Variants in ENOX1 observed in about 807,000 individuals in gnomAD.
ENOX1 encodes ecto-NOX disulfide-thiol exchanger 1, also known as candidate growth-related and time keeping constitutive hydroquinone (NADH) oxidase.
In ENOX1, 42 loss-of-function variants were observed where a neutral mutation model predicts 82.5. That is an observed-to-expected ratio of 0.51 (90% CI 0.40 to 0.66). The LOEUF is 0.66. ENOX1 is among the 30% of genes least tolerant of loss of function. ENOX1 has a pLI of 0.00. For missense variants in ENOX1, 608 were observed against 811.6 expected, an observed-to-expected ratio of 0.75 and a Z score of 3.05; for synonymous variants, 271 against 282.2, an observed-to-expected ratio of 0.96 and a Z score of 0.40.
intron 3 of ENOX1, among the ~76,000 whole-genome samples, chr13:43,430,665 G>A (rs960512102): frequency 2.6e-5 from 4 of 152,142 alleles, no homozygotes; most frequent in Non-Finnish European, 4.4e-5. Context: ...CTTTGTAGGC[G>A]CTCTTACAGT....
intron 3 of ENOX1, among the ~76,000 whole-genome samples, chr13:43,419,031 A>G (rs2054811044): frequency 1.3e-5 from 2 of 152,102 alleles, no homozygotes; most frequent in African/African-American, 4.8e-5. Context: ...TACAAAACTT[A>G]GCTGGGTATG....
At chr13:43,624,334 A>G (rs904252824) in intron 2 of ENOX1, among the ~76,000 whole-genome samples, 5 of 152,050 alleles carry the variant, frequency 3.3e-5, no homozygotes, top group African/African-American at 1.2e-4. Context: ...CCTTTCTCAG[A>G]TATCTGCTTT....
intron 14 of ENOX1, among the ~76,000 whole-genome samples, chr13:43,241,973 CCTT>C (rs1343186929): frequency 3.9e-5 from 6 of 152,202 alleles, no homozygotes; most frequent in Admixed American, 3.3e-4. Context: ...CTTATAAAAT[CCTT>C]CTGCTACTGC....
intron 3 of ENOX1, among the ~76,000 whole-genome samples, chr13:43,417,087 C>T (rs546280377): frequency 1.3e-5 from 2 of 152,296 alleles, no homozygotes; most frequent in South Asian, 4.2e-4. Flanking sequence ...CGTGCGCCTG[C>T]AATCCCAGGC....
chr13:43,324,338 G>A (rs999587505), intron 10 of ENOX1, among the ~76,000 whole-genome samples: 3 of 152,122 alleles, frequency 2.0e-5, no homozygotes, highest in Admixed American at 1.3e-4. Context: ...GGGAAAGGGT[G>A]GTGGAAAAGA....
intron 13 of ENOX1, 100 bp downstream of exon 13, chr13:43,269,370 A>G: frequency 2.2e-6 from 2 of 890,750 alleles, no homozygotes; most frequent in Admixed American, 1.8e-5. Flanking sequence ...ATTGTACTGC[A>G]GATTACTTTC....
intron 2 of ENOX1, among the ~76,000 whole-genome samples, chr13:43,600,151 A>G (rs988633196): frequency 6.6e-5 from 10 of 152,132 alleles, no homozygotes; most frequent in Non-Finnish European, 1.5e-4. Context: ...GAAAGGGAAG[A>G]GTAAAGGAGA....
intron 2 of ENOX1, among the ~76,000 whole-genome samples, chr13:43,613,429 G>C (rs896214991): frequency 3.3e-5 from 5 of 152,072 alleles, no homozygotes; most frequent in African/African-American, 9.7e-5. Context: ...CTTTAAATGA[G>C]TGAATTTTAT....
intron 14 of ENOX1, among the ~76,000 whole-genome samples, chr13:43,257,752 AT>A (rs2043832281): frequency 6.6e-6 from 1 of 152,214 alleles, no homozygotes; most frequent in African/African-American, 2.4e-5. Context: ...ATTCAAAACA[AT>A]TGCTTTTGCA....
intron 2 of ENOX1, among the ~76,000 whole-genome samples, chr13:43,622,604 A>G (rs964850279): frequency 2.0e-5 from 3 of 152,166 alleles, no homozygotes; most frequent in Admixed American, 6.6e-5. Context: ...TGAACCATCT[A>G]TGGGTCTCTC....
At chr13:43,637,316 C>A (rs544533987) in intron 2 of ENOX1, among the ~76,000 whole-genome samples, 2 of 152,294 alleles carry the variant, frequency 1.3e-5, no homozygotes, top group East Asian at 3.9e-4. Context: ...TCTATTAAGA[C>A]TTTACAAAGT....
At chr13:43,661,794 T>C (rs1477598650) in intron 2 of ENOX1, among the ~76,000 whole-genome samples, 1 of 152,194 alleles carries the variant, frequency 6.6e-6, no homozygotes, top group African/African-American at 2.4e-5. Flanking sequence ...TAAAAGGACT[T>C]ACAGTGAAGT....
chr13:43,696,893 G>T (rs1195638402), intron 1 of ENOX1, among the ~76,000 whole-genome samples: 1 of 151,422 alleles, frequency 6.6e-6, no homozygotes, highest in Non-Finnish European at 1.5e-5. Context: ...GCTCTTGAAG[G>T]ATAAAAATGT....
chr13:43,574,372 T>C (rs1934330258), intron 2 of ENOX1, among the ~76,000 whole-genome samples: 1 of 152,058 alleles, frequency 6.6e-6, no homozygotes, highest in Admixed American at 6.5e-5. Context: ...TTAGTAAAAG[T>C]GCAGTATTGT....
intron 14 of ENOX1, among the ~76,000 whole-genome samples, chr13:43,260,679 C>CAT (rs2044006211): frequency 6.6e-6 from 1 of 152,018 alleles, no homozygotes; most frequent in African/African-American, 2.4e-5. Context: ...GATATATATA[C>CAT]ATATATATTT....
chr13:43,572,939 C>A (rs963687416), intron 2 of ENOX1, among the ~76,000 whole-genome samples: 1 of 152,226 alleles, frequency 6.6e-6, no homozygotes, highest in Non-Finnish European at 1.5e-5. Context: ...TCATACATAT[C>A]ATTGAGTCAC....
At chr13:43,725,707 T>C (rs2088896269) in intron 1 of ENOX1, among the ~76,000 whole-genome samples, 1 of 151,810 alleles carries the variant, frequency 6.6e-6, no homozygotes, top group Non-Finnish European at 1.5e-5. Context: ...GACTCACTCC[T>C]GTAATCCTAG....
intron 1 of ENOX1, among the ~76,000 whole-genome samples, chr13:43,736,588 G>A (rs1355610063): frequency 1.3e-5 from 2 of 152,136 alleles, no homozygotes; most frequent in Non-Finnish European, 2.9e-5. Context: ...GAAGTGGCAT[G>A]CATTGTCTGG....
chr13:43,616,153 GATAGAT>G (rs2082434712), intron 2 of ENOX1, among the ~76,000 whole-genome samples: 1 of 16,414 alleles, frequency 6.1e-5, no homozygotes, highest in African/African-American at 1.6e-4. Context: ...TATCTATATA[GATAGAT>G]ATCTATCTAT....
Sources: allele counts gnomAD v4.1 joint callset (sites outside exome capture counted in the v4.1 genomes callset), GRCh38; gene constraint gnomAD v4.1.1; transcripts MANE v1.5; gene names NCBI Gene and HGNC (gene_info 2026-07-23, HGNC 2026-07-21).